GRM7: variants seen among roughly 807,000 people sequenced by gnomAD.
GRM7 encodes the protein metabotropic glutamate receptor 7.
A neutral mutation model predicts 84.5 loss-of-function variants in GRM7; 35 were observed. The ratio of observed to expected loss-of-function variants is 0.41; its 90% confidence interval spans 0.32 to 0.55. GRM7 has a LOEUF of 0.55. Ranked by LOEUF, GRM7 falls within the 20% of genes least tolerant of loss-of-function variation. GRM7 has a pLI of 0.19. For missense variants in GRM7, 1,003 were observed against 1,194.6 expected, an observed-to-expected ratio of 0.84 and a Z score of 2.36; for synonymous variants, 487 against 455.1, an observed-to-expected ratio of 1.07 and a Z score of -0.89.
chr3:7,029,301 C>CAAAAAAAAAAAAAAAA (rs57622634), intron 1 of GRM7, among the ~76,000 whole-genome samples: 1 of 55,208 alleles, frequency 1.8e-5, no homozygotes, highest in African/African-American at 4.2e-5. Context: ...GACTCTGCCT[C>CAAAAAAAAAAAAAAAA]AAAAAAAAAA....
intron 8 of GRM7, among the ~76,000 whole-genome samples, chr3:7,610,738 G>A (rs566441604): frequency 3.0e-4 from 45 of 152,124 alleles, no homozygotes; most frequent in Non-Finnish European, 5.3e-4. Flanking sequence ...AGGCTTCCAC[G>A]GCCTCCCGAT....
At chr3:7,596,695 C>T (rs780575755) in intron 8 of GRM7, among the ~76,000 whole-genome samples, 5 of 152,078 alleles carry the variant, frequency 3.3e-5, no homozygotes, top group Non-Finnish European at 7.3e-5. Flanking sequence ...CTGGAAAATT[C>T]AAGAGTGATT....
rs1401113792 is a variant in GRM7, at chr3:7,685,843, A to G, written c.2698+5548A>G. 2.0e-5 allele frequency among the ~76,000 whole-genome samples: 3 copies of G among 151,762 alleles called. No homozygotes were observed. In the East Asian group the frequency reaches 5.8e-4, roughly 29 times the overall value. On this transcript the variant is annotated intron_variant, in intron 9 of 9. Transcript: ENST00000357716. ...AGACTGCTGGAAAATGGATGTGGGC[A>G]CCAAAACTCTACACAAATAATGGTG...
At chr3:6,925,070 G>A (rs1387464210) in intron 1 of GRM7, among the ~76,000 whole-genome samples, 1 of 152,078 alleles carries the variant, frequency 6.6e-6, no homozygotes, top group African/African-American at 2.4e-5. Context: ...ATATGAGTGG[G>A]GAGAATGGAG....
chr3:7,739,682 G>A (rs541837838), intron 9 of GRM7, among the ~76,000 whole-genome samples: 1 of 152,142 alleles, frequency 6.6e-6, no homozygotes, highest in Non-Finnish European at 1.5e-5. Flanking sequence ...CATATTTACT[G>A]CCTGAGTGAG....
intron 1 of GRM7, among the ~76,000 whole-genome samples, chr3:6,864,296 T>C (rs1694867939): frequency 6.6e-6 from 1 of 152,210 alleles, no homozygotes; most frequent in South Asian, 2.1e-4. Flanking sequence ...AGTTGGTTTG[T>C]ATGTGTCCTG....
intron 1 of GRM7, among the ~76,000 whole-genome samples, chr3:7,055,691 T>G (rs1697194269): frequency 6.6e-6 from 1 of 151,714 alleles, no homozygotes; most frequent in South Asian, 2.1e-4. Flanking sequence ...CAGCAACTTT[T>G]TGTATTTCTA....
chr3:7,497,716 A>T (rs185028977), intron 7 of GRM7, among the ~76,000 whole-genome samples: 57 of 152,320 alleles, frequency 3.7e-4, no homozygotes, highest in Non-Finnish European at 7.2e-4. Context: ...CTAAGAAAAG[A>T]GCATAAATTT....
At chr3:7,261,751 T>C (rs990715242) in intron 2 of GRM7, among the ~76,000 whole-genome samples, 3 of 152,238 alleles carry the variant, frequency 2.0e-5, no homozygotes, top group Non-Finnish European at 4.4e-5. Flanking sequence ...CCATACTTAG[T>C]AGTTCTTTCA....
intron 4 of GRM7, among the ~76,000 whole-genome samples, chr3:7,377,529 G>A (rs1346611800): frequency 6.6e-6 from 1 of 152,162 alleles, no homozygotes; most frequent in East Asian, 1.9e-4. Flanking sequence ...GAAGAAGAAA[G>A]GGGAGAGAAA....
chr3:7,326,179 A>G (rs73028091), intron 4 of GRM7, among the ~76,000 whole-genome samples: 61,775 of 148,556 alleles, frequency 0.42, 12,701 homozygotes, highest in Middle Eastern at 0.48. Flanking sequence ...GCAAAAAAAA[A>G]AGAAAAAAAA....
At chr3:7,724,467 C>G (rs1441029177) in intron 9 of GRM7, among the ~76,000 whole-genome samples, 2 of 152,144 alleles carry the variant, frequency 1.3e-5, no homozygotes, top group Non-Finnish European at 2.9e-5. Flanking sequence ...CTTCATTATT[C>G]CCTGCAATAA....
intron 1 of GRM7, among the ~76,000 whole-genome samples, chr3:7,063,288 T>G (rs1205912048): frequency 2.6e-5 from 4 of 151,718 alleles, no homozygotes; most frequent in Non-Finnish European, 4.4e-5. Context: ...AATCAGAGAT[T>G]ATCTTAATTT....
chr3:7,198,693 T>A (rs1214862987), intron 2 of GRM7, among the ~76,000 whole-genome samples: 1 of 152,194 alleles, frequency 6.6e-6, no homozygotes, highest in African/African-American at 2.4e-5. Flanking sequence ...AGCTTATAAT[T>A]TATTAAATAA....
chr3:6,864,701 G>A (rs1461115604), intron 1 of GRM7, among the ~76,000 whole-genome samples: 2 of 152,154 alleles, frequency 1.3e-5, no homozygotes, highest in African/African-American at 2.4e-5. Context: ...AGTGAGATAA[G>A]ACTGTAGGCT....
chr3:7,565,288 T>G lies in GRM7; in HGVS notation c.1516-13134T>G, dbSNP rs1173345807. Among the ~76,000 whole-genome samples, 5 of 152,200 alleles carry G rather than the reference T, an allele frequency of 3.3e-5. No homozygotes were observed. In the East Asian group the frequency reaches 9.6e-4, roughly 29 times the overall value. ...TTTAATCCAGCAATTCAATTGCATT[T>G]CTTCCCAGATATTGAATTACAATAG... is the stretch of plus-strand genomic sequence containing the variant. On this transcript the variant is annotated intron_variant, in intron 7 of 9. Transcript: ENST00000357716.
intron 1 of GRM7, among the ~76,000 whole-genome samples, chr3:7,026,888 C>A (rs925311515): frequency 6.6e-6 from 1 of 152,208 alleles, no homozygotes; most frequent in Non-Finnish European, 1.5e-5. Context: ...CCACAGTGAC[C>A]TTTCCAGCTT....
intron 4 of GRM7, among the ~76,000 whole-genome samples, chr3:7,394,949 A>G (rs540216571): frequency 1.6e-4 from 25 of 151,666 alleles, no homozygotes; most frequent in Non-Finnish European, 3.4e-4. Context: ...GAGGCAGGAG[A>G]GTTGCTTGAA....
At chr3:6,951,092 C>A (rs899433889) in intron 1 of GRM7, among the ~76,000 whole-genome samples, 7 of 152,150 alleles carry the variant, frequency 4.6e-5, no homozygotes, top group African/African-American at 1.7e-4. Flanking sequence ...GAACCCAGTA[C>A]CTCAGTTGTA....
Sources: allele counts gnomAD v4.1 joint callset (sites outside exome capture counted in the v4.1 genomes callset), GRCh38; gene constraint gnomAD v4.1.1; transcripts MANE v1.5; gene names NCBI Gene and HGNC (gene_info 2026-07-23, HGNC 2026-07-21).